The following KCND2 variants were observed in gnomAD, a reference collection of about 807,000 sequenced individuals.
KCND2 encodes the protein potassium voltage-gated channel subfamily D member 2.
In KCND2, 16 loss-of-function variants were observed where a neutral mutation model predicts 54.4. The observed-to-expected ratio is 0.29, with a 90% CI of 0.20 to 0.45. The LOEUF (loss-of-function observed/expected upper bound fraction) is 0.45, where lower values mean the gene tolerates loss of function less well. Ranked by LOEUF, KCND2 falls within the 20% of genes least tolerant of loss-of-function variation. KCND2 has a pLI of 1.00. For synonymous variants in KCND2, 317 were observed against 310.7 expected (o/e 1.02, Z -0.21); for missense variants, 486 against 824.2 (o/e 0.59, Z 5.02).
chr7:120,582,751 G>A (rs1433225026), intron 1 of KCND2, among the ~76,000 whole-genome samples: 1 of 151,926 alleles, frequency 6.6e-6, no homozygotes, highest in Non-Finnish European at 1.5e-5. Context: ...TCATCTCTTG[G>A]TCAGTTTTTG....
intron 1 of KCND2, among the ~76,000 whole-genome samples, chr7:120,290,099 A>T (rs147659393): frequency 7.2e-4 from 109 of 152,184 alleles, no homozygotes; most frequent in African/African-American, 2.6e-3. Context: ...CACTTTAGTT[A>T]AAATCTCCCC....
rs548851353 is a variant in KCND2 at position 120,481,273 on chromosome 7, A to G, written c.1115+205526A>G. On this transcript the variant is annotated intron_variant, in intron 1 of 5. Transcript: ENST00000331113. ...GGGATACCTGGTGGAAGAAGTTTCTAAGCAGCAAACCATGTAGGCTGTTGC... is the reference window on the plus strand; with the variant it reads ...GGGATACCTGGTGGAAGAAGTTTCTGAGCAGCAAACCATGTAGGCTGTTGC... 5.3e-5 allele frequency among the ~76,000 whole-genome samples: 8 copies of G among 152,346 alleles called. No individual in the cohort carries two copies. The East Asian group carries it at 1.5e-3, about 29-fold the overall frequency.
intron 1 of KCND2, among the ~76,000 whole-genome samples, chr7:120,351,495 A>G (rs1180026301): frequency 6.6e-6 from 1 of 150,536 alleles, no homozygotes; most frequent in African/African-American, 2.4e-5. Context: ...GTTGACAACA[A>G]ACACAATGTG....
intron 1 of KCND2, among the ~76,000 whole-genome samples, chr7:120,290,935 TGAA>T (rs1225912148): frequency 6.6e-6 from 1 of 151,800 alleles, no homozygotes; most frequent in Non-Finnish European, 1.5e-5. Flanking sequence ...GGCAGAAAAA[TGAA>T]GAGTGTATTC....
In KCND2 at chr7:120,273,381, G is replaced by A. The variant is rs993924297; in HGVS notation, c.-1252G>A. 2.0e-5 allele frequency among the ~76,000 whole-genome samples: 3 copies of A among 147,732 alleles called. No individual in the cohort carries two copies. Among genetic ancestry groups the A allele is most frequent in the Admixed American group, 6.7e-5 (1 of 14,874 alleles). On this transcript the variant is annotated 5_prime_UTR_variant, in exon 1 of 6. Transcript: ENST00000331113. ...GAGAGCCCGTGCCGGCCCCGGCCCC[G>A]GCCCCACCGCGCCAACGCCGCCCGC... is the stretch of plus-strand genomic sequence containing the variant.
intron 1 of KCND2, among the ~76,000 whole-genome samples, chr7:120,592,958 T>C (rs1792689606): frequency 1.3e-5 from 2 of 152,214 alleles, no homozygotes; most frequent in South Asian, 4.1e-4. Flanking sequence ...TTCATGCTCA[T>C]ATTTTATAGG....
chr7:120,558,072 TTAA>T (rs1197464022), intron 1 of KCND2, among the ~76,000 whole-genome samples: 1 of 152,158 alleles, frequency 6.6e-6, no homozygotes, highest in Non-Finnish European at 1.5e-5. Flanking sequence ...ATCTTTATTA[TTAA>T]TAATTTTTTC....
chr7:120,747,686 C>A lies in KCND2; in HGVS notation c.1721C>A (p.Ser574Tyr). The A allele has an allele frequency of 1.2e-6, 2 of 1,610,940 alleles. No homozygotes were observed. The highest frequency in any genetic ancestry group is 1.7e-6 in the Non-Finnish European group (2 of 1,177,658). The change falls in exon 6 of 6, where the codon TCC (serine) becomes TAC (tyrosine). Residue 574 changes from serine to tyrosine, a missense_variant. Coordinates refer to ENST00000331113, the MANE Select transcript of KCND2 (RefSeq NM_012281.3). ...AATATTTTTTTTTCTATCAGCCGAT[C>A]CAGTTTAAATGCCAAAATGGAAGAG... is the stretch of plus-strand genomic sequence containing the variant. The part of the protein sequence containing the change: ...VERTPLSNSR[S>Y]SLNAKMEECV...
intron 1 of KCND2, among the ~76,000 whole-genome samples, chr7:120,617,572 G>A (rs1339369914): frequency 6.6e-6 from 1 of 152,148 alleles, no homozygotes; most frequent in African/African-American, 2.4e-5. Flanking sequence ...ACTGTGGAAA[G>A]CAGTTCTCTT....
At chr7:120,511,085 C>T (rs950275409) in intron 1 of KCND2, among the ~76,000 whole-genome samples, 1 of 151,500 alleles carries the variant, frequency 6.6e-6, no homozygotes, top group Admixed American at 6.6e-5. Context: ...GACTCCTTAC[C>T]AGCCACCCTA....
At chr7:120,455,218 T>C (rs1802177538) in intron 1 of KCND2, among the ~76,000 whole-genome samples, 1 of 151,982 alleles carries the variant, frequency 6.6e-6, no homozygotes, top group African/African-American at 2.4e-5. Context: ...AAAAAGAACC[T>C]GAATACCCAA....
chr7:120,322,539 T>C (rs1799906106), intron 1 of KCND2, among the ~76,000 whole-genome samples: 1 of 152,204 alleles, frequency 6.6e-6, no homozygotes, highest in South Asian at 2.1e-4. Context: ...TTATTTCTAA[T>C]GTAACTTATG....
intron 1 of KCND2, among the ~76,000 whole-genome samples, chr7:120,531,040 G>A (rs753789262): frequency 1.3e-5 from 2 of 151,960 alleles, no homozygotes; most frequent in East Asian, 1.9e-4. Flanking sequence ...GCCTATATGT[G>A]AGCAGCTGAA....
chr7:120,742,389 G>C (rs1175822359), intron 3 of KCND2, 121 bp from the exon 4 acceptor site: 3 of 825,506 alleles, frequency 3.6e-6, no homozygotes, highest in Non-Finnish European at 6.3e-6. Context: ...TTCCTTTCTA[G>C]TTAGAAAAAA....
At chr7:120,456,092 C>G (rs1802196874) in intron 1 of KCND2, among the ~76,000 whole-genome samples, 1 of 152,108 alleles carries the variant, frequency 6.6e-6, no homozygotes, top group African/African-American at 2.4e-5. Flanking sequence ...AAACCATGAA[C>G]CGTATAAAGA....
At chr7:120,665,532 T>C (rs1205150679) in intron 1 of KCND2, among the ~76,000 whole-genome samples, 1 of 152,070 alleles carries the variant, frequency 6.6e-6, no homozygotes, top group Non-Finnish European at 1.5e-5. Flanking sequence ...CCAAGTAATG[T>C]CAACAGCTTT....
chr7:120,492,436 A>G (rs1802798103), intron 1 of KCND2, among the ~76,000 whole-genome samples: 3 of 151,992 alleles, frequency 2.0e-5, no homozygotes, highest in African/African-American at 7.2e-5. Flanking sequence ...GCCTTAGTCT[A>G]TCTGGGCTCT....
At chr7:120,514,402 T>C (rs1202754972) in intron 1 of KCND2, among the ~76,000 whole-genome samples, 1 of 152,102 alleles carries the variant, frequency 6.6e-6, no homozygotes, top group Non-Finnish European at 1.5e-5. Flanking sequence ...AGTATATAAA[T>C]TGCAAATGTC....
Position 120,274,178 on chromosome 7 carries a change from T to G in KCND2, c.-455T>G, listed in dbSNP as rs1584705852. The G allele has an allele frequency of 1.6e-5, 3 of 184,144 alleles. No individual in the cohort carries two copies. The highest frequency in any genetic ancestry group is 1.4e-4 in the East Asian group (1 of 6,920). 11.4% of individuals were successfully genotyped at this position (184,144 alleles called of 1,614,324 possible). On this transcript the variant is annotated 5_prime_UTR_variant, in exon 1 of 6. Transcript: ENST00000331113. ...GGTTTGAAAGAGTGAGAAGGGTAGGTGTAAGGGTTCCCTAATTCGTCGAAA... is the reference window on the plus strand; with the variant it reads ...GGTTTGAAAGAGTGAGAAGGGTAGGGGTAAGGGTTCCCTAATTCGTCGAAA...
Sources: gnomAD v4.1 joint callset for allele counts (sites outside exome capture counted in the v4.1 genomes callset) on GRCh38, gnomAD v4.1.1 for gene constraint, MANE v1.5 for transcripts, NCBI Gene and HGNC (gene_info 2026-07-23, HGNC 2026-07-21) for gene names.